DNAI7: variants seen among roughly 807,000 people sequenced by gnomAD.
DNAI7 encodes the protein cancer susceptibility 1.
A neutral mutation model predicts 86.6 loss-of-function variants in DNAI7; 78 were observed. The ratio of observed to expected loss-of-function variants is 0.90; its 90% confidence interval spans 0.75 to 1.09. The LOEUF (loss-of-function observed/expected upper bound fraction) is 1.09. Ranked by LOEUF, DNAI7 falls within the 50% of genes least tolerant of loss-of-function variation. The pLI is 0.00. For missense variants in DNAI7, 753 were observed against 810.2 expected (o/e 0.93, Z 0.86); for synonymous variants, 274 against 273.0 (o/e 1.00, Z -0.04).
At chr12:25,165,404 C>T (rs1176687512) in intron 2 of DNAI7, among the ~76,000 whole-genome samples, 1 of 152,222 alleles carries the variant, frequency 6.6e-6, no homozygotes, top group East Asian at 1.9e-4. Context: ...AGAACCTCCT[C>T]CCCCAGGAGC....
At chr12:25,130,414 G>T (rs1178177492) in intron 9 of DNAI7, among the ~76,000 whole-genome samples, 1 of 152,056 alleles carries the variant, frequency 6.6e-6, no homozygotes, top group East Asian at 1.9e-4. Flanking sequence ...GCGGGTGCCT[G>T]TAGTCCCAGC....
chr12:25,140,355 T>A (rs1819286752), intron 9 of DNAI7, among the ~76,000 whole-genome samples: 2 of 152,142 alleles, frequency 1.3e-5, no homozygotes, highest in African/African-American at 4.8e-5. Flanking sequence ...AGTTTCAGCA[T>A]ACAAAATCAA....
intron 9 of DNAI7, among the ~76,000 whole-genome samples, chr12:25,126,187 G>T (rs1289663042): frequency 6.6e-6 from 1 of 152,162 alleles, no homozygotes; most frequent in Non-Finnish European, 1.5e-5. Context: ...AAGTGGTCAG[G>T]TATAGCTGGA....
intron 1 of DNAI7, among the ~76,000 whole-genome samples, chr12:25,193,909 C>T (rs1486205869): frequency 6.6e-6 from 1 of 152,100 alleles, no homozygotes; most frequent in African/African-American, 2.4e-5. Context: ...GCAACCTCCG[C>T]CTCCCAGGTT....
At chr12:25,178,963 T>C (rs895597843) in intron 2 of DNAI7, among the ~76,000 whole-genome samples, 5 of 152,098 alleles carry the variant, frequency 3.3e-5, no homozygotes, top group African/African-American at 1.2e-4. Flanking sequence ...TTCTGAATTC[T>C]TGAGAAGGAT....
intron 5 of DNAI7, 43 bp downstream of exon 5, chr12:25,155,268 G>T (rs1946023027): frequency 9.4e-7 from 1 of 1,058,782 alleles, no homozygotes; most frequent in Non-Finnish European, 1.4e-6. Flanking sequence ...CCTCCCTCTT[G>T]TGGTGACAAA....
At chr12:25,142,506 C>CA (rs745832993) in intron 9 of DNAI7, among the ~76,000 whole-genome samples, 9 of 144,760 alleles carry the variant, frequency 6.2e-5, no homozygotes, top group Non-Finnish European at 1.2e-4. Context: ...AAAAAAAAAA[C>CA]AAAACTACTG....
chr12:25,147,030 A>G lies in DNAI7; in HGVS notation c.660T>C (p.Tyr220=), dbSNP rs145084972. 1.2e-5 allele frequency: 20 copies of G among 1,602,058 alleles called. No individual in the cohort carries two copies. The African/African-American group carries it at 2.7e-4, about 21-fold the overall frequency. The change falls in exon 8 of 16, where the codon TAT becomes TAC. Residue 220 remains tyrosine, a synonymous_variant. Transcript: ENST00000395987. ...KVIKDENVTL[Y]VWANLKKNPR... ...GATTCTTCTTGAGGTTTGCCCACAC[A>G]TACAGAGTAACATTTTCATCTTTAA...
chr12:25,163,263 C>G (rs773022158), intron 2 of DNAI7, among the ~76,000 whole-genome samples: 1 of 152,160 alleles, frequency 6.6e-6, no homozygotes, highest in African/African-American at 2.4e-5. Context: ...GTGACCTGCA[C>G]GTACACATCT....
At chr12:25,107,949 C>G, downstream of DNAI7, 5 of 1,614,160 alleles carry the variant, frequency 3.1e-6, no homozygotes, top group Non-Finnish European at 4.2e-6. Context: ...GCCAATTATT[C>G]CAGAAGTCTG....
chr12:25,135,247 AG>A (rs1943407015), intron 9 of DNAI7, among the ~76,000 whole-genome samples: 2 of 152,220 alleles, frequency 1.3e-5, no homozygotes, highest in Non-Finnish European at 2.9e-5. Context: ...AACCTTACCT[AG>A]AACTGAAATG....
intron 9 of DNAI7, among the ~76,000 whole-genome samples, chr12:25,137,692 G>A (rs1051829679): frequency 6.4e-4 from 98 of 152,080 alleles, no homozygotes; most frequent in African/African-American, 2.2e-3. Flanking sequence ...GTAAAGAGGT[G>A]GAAAAAGACA....
rs953667246 is a variant in DNAI7, at chr12:25,195,089, G to A, written c.-11C>T. Reference sequence around the variant, plus strand: ...TGCCTTGCTCACCATTAAGAGTCAAGCTCCACTGCAGTAGTCCGCAGAGTC... The same window carrying A: ...TGCCTTGCTCACCATTAAGAGTCAAACTCCACTGCAGTAGTCCGCAGAGTC... On this transcript the variant is annotated 5_prime_UTR_variant, in exon 1 of 16. Coordinates refer to ENST00000395987, the MANE Select transcript of DNAI7 (RefSeq NM_018272.5). 2 of 1,614,002 alleles carry A rather than the reference G, an allele frequency of 1.2e-6. No homozygotes were observed. Among genetic ancestry groups the A allele is most frequent in the African/African-American group, 2.7e-5 (2 of 74,944 alleles).
At chr12:25,191,792 T>C (rs2141404336) in intron 1 of DNAI7, among the ~76,000 whole-genome samples, 1 of 152,362 alleles carries the variant, frequency 6.6e-6, no homozygotes. Flanking sequence ...ATCTATTCTT[T>C]TCTGGAAATT....
intron 6 of DNAI7, among the ~76,000 whole-genome samples, chr12:25,153,908 A>G (rs997984877): frequency 3.3e-5 from 5 of 152,100 alleles, no homozygotes; most frequent in African/African-American, 1.2e-4. Context: ...GAATATTCTG[A>G]TTTGTCTTTG....
chr12:25,134,139 C>A (rs894623514), intron 9 of DNAI7, among the ~76,000 whole-genome samples: 5 of 151,980 alleles, frequency 3.3e-5, no homozygotes, highest in African/African-American at 9.7e-5. Context: ...GAACTATAGG[C>A]ACATGCCACC....
intron 9 of DNAI7, among the ~76,000 whole-genome samples, chr12:25,130,270 G>T (rs1344089045): frequency 1.3e-5 from 2 of 151,988 alleles, no homozygotes; most frequent in Admixed American, 6.5e-5. Context: ...GGGCGCGGTG[G>T]CTCACGCCTG....
chr12:25,148,489 G>A (rs1945133891), intron 7 of DNAI7, among the ~76,000 whole-genome samples: 1 of 152,112 alleles, frequency 6.6e-6, no homozygotes, highest in East Asian at 1.9e-4. Context: ...TTCCTCAACA[G>A]CTTTTCACCT....
At chr12:25,109,851 T>A (rs1322938551) in intron 15 of DNAI7, among the ~76,000 whole-genome samples, 1 of 152,080 alleles carries the variant, frequency 6.6e-6, no homozygotes, top group Non-Finnish European at 1.5e-5. Context: ...GCTAATTTTG[T>A]ATTTTTGGTA....
Sources: allele counts gnomAD v4.1 joint callset (sites outside exome capture counted in the v4.1 genomes callset), GRCh38; gene constraint gnomAD v4.1.1; transcripts MANE v1.5; gene names NCBI Gene and HGNC (gene_info 2026-07-23, HGNC 2026-07-21).